CYP7B1: variants seen among roughly 807,000 people sequenced by gnomAD.
The protein encoded by CYP7B1 is cytochrome P450 family 7 subfamily B member 1, also known as cytochrome P450 7B1.
Under a neutral mutation model 42.7 loss-of-function variants are expected in CYP7B1, and 29 were observed. The ratio of observed to expected loss-of-function variants is 0.68; its 90% CI spans 0.51 to 0.93. CYP7B1 has a LOEUF of 0.93. CYP7B1 is among the 40% of genes least tolerant of loss of function. The pLI is 0.00. For missense variants in CYP7B1, 655 were observed against 600.5 expected (o/e 1.09, Z -0.95); for synonymous variants, 235 against 218.2 (o/e 1.08, Z -0.68).
intron 1 of CYP7B1, among the ~76,000 whole-genome samples, chr8:64,717,252 T>G (rs1442164908): frequency 1.3e-5 from 2 of 152,202 alleles, no homozygotes; most frequent in African/African-American, 4.8e-5. Flanking sequence ...TTAGTTACAT[T>G]CTATTTTTTA....
chr8:64,631,660 A>G (rs1431750150), intron 1 of CYP7B1, among the ~76,000 whole-genome samples: 1 of 152,208 alleles, frequency 6.6e-6, no homozygotes, highest in Non-Finnish European at 1.5e-5. Context: ...AATATTTGTG[A>G]ACCACATATT....
In CYP7B1 at chr8:64,604,758, C is replaced by A. The variant is rs758687303; in HGVS notation, c.1157G>T (p.Cys386Phe). The change falls in exon 5 of 6, where the codon TGT becomes TTT. Residue 386 changes from cysteine to phenylalanine, a missense_variant. Cys to Phe is a radical substitution (Grantham distance 205). Coordinates refer to ENST00000310193, the MANE Select transcript of CYP7B1 (RefSeq NM_004820.5). ...LTLSSETGDY[C>F]VRKGDLVAIF... is the part of the protein sequence containing the mutation. Reference sequence around the variant, plus strand: ...GGCTACCAAGTCTCCCTTTCGCACACAGTAGTCCCCGGTCTCTGAACTGAG... The same window carrying A: ...GGCTACCAAGTCTCCCTTTCGCACAAAGTAGTCCCCGGTCTCTGAACTGAG... 28 of 1,614,160 alleles carry A rather than the reference C, an allele frequency of 1.7e-5. No individual in the cohort carries two copies. In the South Asian group the frequency reaches 3.1e-4, roughly 18 times the overall value.
chr8:64,751,401 G>C (rs1807723142), intron 1 of CYP7B1, among the ~76,000 whole-genome samples: 1 of 151,950 alleles, frequency 6.6e-6, no homozygotes, highest in Non-Finnish European at 1.5e-5. Context: ...ACTCCTATAC[G>C]ATGTATTTTT....
chr8:64,603,996 C>A (rs965372490), intron 5 of CYP7B1, among the ~76,000 whole-genome samples: 2 of 152,180 alleles, frequency 1.3e-5, no homozygotes, highest in Non-Finnish European at 2.9e-5. Flanking sequence ...AATAGGACTG[C>A]ATTCAATTTG....
chr8:64,632,875 A>G (rs1455737159), intron 1 of CYP7B1, among the ~76,000 whole-genome samples: 1 of 152,078 alleles, frequency 6.6e-6, no homozygotes, highest in Non-Finnish European at 1.5e-5. Flanking sequence ...TTAAAAATAT[A>G]CAAATGGAGA....
In CYP7B1 at chr8:64,615,010, GATAAAA is replaced by G. The variant is rs1805412416; in HGVS notation, c.1057+10_1057+15del. 5 of 1,612,942 alleles carry G rather than the reference GATAAAA, an allele frequency of 3.1e-6. No individual in the cohort carries two copies. In the African/African-American group the frequency reaches 4.0e-5, roughly 13 times the overall value. ...GAGGTACCTTCTTTTCTTCATAACA[GATAAAA>G]ATAAATTACCTAGGCAGATTAGGCT... On this transcript the variant is annotated intron_variant, in intron 4 of 5. Coordinates refer to ENST00000310193, the MANE Select transcript of CYP7B1 (RefSeq NM_004820.5).
At chr8:64,763,763 T>A (rs1010929212) in intron 1 of CYP7B1, among the ~76,000 whole-genome samples, 5 of 152,176 alleles carry the variant, frequency 3.3e-5, no homozygotes, top group African/African-American at 1.2e-4. Context: ...CATCCCGAAC[T>A]CCCAGCATTA....
At chr8:64,606,813 G>A (rs561535177) in intron 4 of CYP7B1, among the ~76,000 whole-genome samples, 3 of 152,168 alleles carry the variant, frequency 2.0e-5, no homozygotes, top group Non-Finnish European at 4.4e-5. Context: ...AATGAGTTGC[G>A]TTATTATCAA....
rs146957308 is a variant in CYP7B1, at chr8:64,632,936, G to T, written c.123-8397C>A. The stretch of plus-strand genomic sequence containing the variant: ...AGAACTGCCATCGACAGAAAGGAAG[G>T]GGGGCGGGGAGAGAGTCTTAAATTT... On this transcript the variant is annotated intron_variant, in intron 1 of 5. Transcript: ENST00000310193. Among the ~76,000 whole-genome samples, 257 of 152,180 alleles carry T rather than the reference G, an allele frequency of 1.7e-3. 6 individuals are homozygous for T. Among genetic ancestry groups the T allele is most frequent in the African/African-American group, 5.8e-3 (242 of 41,520 alleles).
intron 4 of CYP7B1, among the ~76,000 whole-genome samples, chr8:64,613,311 C>T (rs924772851): frequency 6.6e-6 from 1 of 152,028 alleles, no homozygotes; most frequent in African/African-American, 2.4e-5. Context: ...GCCATTTTTT[C>T]TGGTCTAATA....
chr8:64,717,541 C>T (rs750040495), intron 1 of CYP7B1, among the ~76,000 whole-genome samples: 10 of 152,102 alleles, frequency 6.6e-5, no homozygotes, highest in Non-Finnish European at 1.0e-4. Flanking sequence ...CATGTCCATT[C>T]GGATGCACAT....
chr8:64,732,014 C>A (rs575656668), intron 1 of CYP7B1, among the ~76,000 whole-genome samples: 37 of 152,306 alleles, frequency 2.4e-4, no homozygotes, highest in African/African-American at 7.9e-4. Flanking sequence ...AGGGGCAGAG[C>A]CCTCATGGAG....
intron 2 of CYP7B1, among the ~76,000 whole-genome samples, chr8:64,621,402 A>C (rs1805527273): frequency 2.0e-5 from 3 of 152,252 alleles, no homozygotes; most frequent in African/African-American, 4.8e-5. Flanking sequence ...AGGAGTCAGC[A>C]AAGGCTCTTG....
chr8:64,786,862 G>C (rs1044974333), intron 1 of CYP7B1, among the ~76,000 whole-genome samples: 2 of 152,358 alleles, frequency 1.3e-5, no homozygotes, highest in South Asian at 2.1e-4. Flanking sequence ...CTGTAATCTA[G>C]GCAGAGATTC....
chr8:64,702,229 G>A (rs1806927754), intron 1 of CYP7B1, among the ~76,000 whole-genome samples: 1 of 151,970 alleles, frequency 6.6e-6, no homozygotes, highest in Admixed American at 6.6e-5. Flanking sequence ...CACAAGAAAT[G>A]AACAAAGAAA....
intron 1 of CYP7B1, among the ~76,000 whole-genome samples, chr8:64,680,556 C>G (rs994340422): frequency 6.2e-4 from 88 of 142,788 alleles, no homozygotes; most frequent in African/African-American, 2.3e-3. Flanking sequence ...TCTACAACTT[C>G]TAAGAATTCA....
intron 1 of CYP7B1, among the ~76,000 whole-genome samples, chr8:64,681,133 C>T (rs1806530156): frequency 6.6e-6 from 1 of 152,160 alleles, no homozygotes; most frequent in Non-Finnish European, 1.5e-5. Flanking sequence ...GACAATAAAA[C>T]AGAAATAAAA....
chr8:64,755,146 C>T (rs1020407242), intron 1 of CYP7B1, among the ~76,000 whole-genome samples: 7 of 152,100 alleles, frequency 4.6e-5, no homozygotes, highest in Non-Finnish European at 4.4e-5. Flanking sequence ...TCACCGCAGG[C>T]TGACTGCCAG....
chr8:64,603,403 AT>A (rs1001858744), intron 5 of CYP7B1, among the ~76,000 whole-genome samples: 8 of 152,332 alleles, frequency 5.3e-5, no homozygotes, highest in African/African-American at 1.9e-4. Flanking sequence ...ACTAATGTTG[AT>A]TTTACCATCA....
Sources: gnomAD v4.1 joint callset for allele counts (sites outside exome capture counted in the v4.1 genomes callset) on GRCh38, gnomAD v4.1.1 for gene constraint, MANE v1.5 for transcripts, NCBI Gene and HGNC (gene_info 2026-07-23, HGNC 2026-07-21) for gene names.